RPRD2: variants seen among roughly 807,000 people sequenced by gnomAD.
RPRD2 encodes regulation of nuclear pre-mRNA domain-containing protein 2.
RPRD2 carries 12 observed loss-of-function variants against 104.4 expected under a neutral mutation model. That is an observed-to-expected ratio of 0.11 (90% confidence interval 0.07 to 0.19). RPRD2 has a LOEUF of 0.19. Among genes scored for constraint, RPRD2 ranks in the 10% least tolerant of loss-of-function variants. The pLI, the probability that RPRD2 is intolerant of heterozygous loss-of-function variation, is 1.00. For missense variants in RPRD2, 1,543 were observed against 1,790.1 expected (o/e 0.86, Z 2.49); for synonymous variants, 714 against 684.9 (o/e 1.04, Z -0.66).
chr1:150,366,675 G>A, intron 1 of RPRD2, among the ~76,000 whole-genome samples: 1 of 152,180 alleles, frequency 6.6e-6, no homozygotes, highest in East Asian at 1.9e-4. Context: ...CAGTAAAATG[G>A]TGGGGTTAGG....
intron 1 of RPRD2, among the ~76,000 whole-genome samples, chr1:150,384,665 GTGTGTGTGTGTGTGTGTT>G (rs1214345126): frequency 2.1e-4 from 30 of 145,430 alleles, no homozygotes; most frequent in Non-Finnish European, 3.9e-4. Context: ...GTGTGTGTGT[GTGTGTGTGTGTGTGTGTT>G]TTTAGTAGAG....
chr1:150,410,806 G>A (rs587701432), intron 1 of RPRD2, among the ~76,000 whole-genome samples: 2 of 152,280 alleles, frequency 1.3e-5, no homozygotes, highest in East Asian at 1.9e-4. Context: ...CAAAGAAATC[G>A]ATTTTCTCAC....
intron 7 of RPRD2, among the ~76,000 whole-genome samples, chr1:150,447,183 C>G (rs1381522189): frequency 6.6e-6 from 1 of 151,912 alleles, no homozygotes; most frequent in African/African-American, 2.4e-5. Context: ...ATTGGTCAGG[C>G]TGGTCTTGAA....
At chr1:150,437,502 A>G (rs1273348567) in intron 2 of RPRD2, among the ~76,000 whole-genome samples, 1 of 152,028 alleles carries the variant, frequency 6.6e-6, no homozygotes, top group African/African-American at 2.4e-5. Context: ...TAACTAACAT[A>G]TGGATATTGT....
At chr1:150,449,961 TTTCTC>T (rs1667043481) in intron 7 of RPRD2, among the ~76,000 whole-genome samples, 1 of 152,196 alleles carries the variant, frequency 6.6e-6, no homozygotes, top group African/African-American at 2.4e-5. Flanking sequence ...CCATCTTTTA[TTTCTC>T]TTCTCTGCTT....
At chr1:150,429,606 C>T (rs1459197930) in intron 2 of RPRD2, among the ~76,000 whole-genome samples, 2 of 151,194 alleles carry the variant, frequency 1.3e-5, no homozygotes, top group African/African-American at 2.4e-5. Flanking sequence ...CCTCCCACCT[C>T]GACCTACCAA....
chr1:150,446,083 G>T (rs59681095), intron 6 of RPRD2, 143 bp from the exon 7 acceptor site: 3 of 421,294 alleles, frequency 7.1e-6, no homozygotes, highest in Non-Finnish European at 8.1e-6. Context: ...AAAAAAAAAA[G>T]AAAGAAACTA....
chr1:150,388,908 A>G (rs886311822), intron 1 of RPRD2, among the ~76,000 whole-genome samples: 2 of 151,874 alleles, frequency 1.3e-5, no homozygotes, highest in Non-Finnish European at 2.9e-5. Flanking sequence ...TTGGCCTAAT[A>G]TGTAATTATT....
chr1:150,379,472 G>A (rs1315813491), intron 1 of RPRD2, among the ~76,000 whole-genome samples: 1 of 151,292 alleles, frequency 6.6e-6, no homozygotes, highest in Admixed American at 6.6e-5. Context: ...GCGCCATCTC[G>A]GCTCACTGCA....
intron 2 of RPRD2, among the ~76,000 whole-genome samples, chr1:150,439,311 A>G (rs12731296): frequency 0.6 from 91,227 of 151,948 alleles, 27,919 homozygotes; most frequent in African/African-American, 0.65. Context: ...GGCATACCTT[A>G]GAGATATTGA....
chr1:150,425,738 A>G (rs1258339943), intron 2 of RPRD2, among the ~76,000 whole-genome samples: 1 of 152,354 alleles, frequency 6.6e-6, no homozygotes, highest in African/African-American at 2.4e-5. Context: ...AAAGATTATT[A>G]TCCTCATTTT....
Position 150,469,162 on chromosome 1 carries a change from A to G in RPRD2, c.1613-1399A>G, listed in dbSNP as rs1382673675. On this transcript the variant is annotated intron_variant, in intron 10 of 10. Coordinates refer to ENST00000369068, the MANE Select transcript of RPRD2 (RefSeq NM_015203.5). Reference sequence around the variant, plus strand: ...AAATTGAAATTTTGAAGAAATGTTAATTGAAATATCACATGAAGTATTTTC... The same window carrying G: ...AAATTGAAATTTTGAAGAAATGTTAGTTGAAATATCACATGAAGTATTTTC... 2.6e-5 allele frequency among the ~76,000 whole-genome samples: 4 copies of G among 152,234 alleles called. No individual in the cohort carries two copies. In the East Asian group the frequency reaches 7.7e-4, roughly 29 times the overall value.
intron 1 of RPRD2, among the ~76,000 whole-genome samples, chr1:150,405,590 A>G (rs1328615377): frequency 1.3e-5 from 2 of 152,184 alleles, no homozygotes; most frequent in Admixed American, 1.3e-4. Flanking sequence ...CTCTCTCATC[A>G]TCTTTATGAA....
intron 1 of RPRD2, among the ~76,000 whole-genome samples, chr1:150,390,896 G>A (rs782070277): frequency 2.6e-5 from 4 of 151,846 alleles, no homozygotes; most frequent in Admixed American, 2.6e-4. Flanking sequence ...ATATATATAG[G>A]GACCATATGC....
At chr1:150,453,601 C>T (rs1553897068) in intron 7 of RPRD2, among the ~76,000 whole-genome samples, 1 of 152,104 alleles carries the variant, frequency 6.6e-6, no homozygotes, top group African/African-American at 2.4e-5. Flanking sequence ...TTAATCATAG[C>T]TGTTTGGTTT....
At chr1:150,389,030 T>C (rs1572376981) in intron 1 of RPRD2, among the ~76,000 whole-genome samples, 3 of 151,996 alleles carry the variant, frequency 2.0e-5, no homozygotes. Context: ...GACAGTTTTG[T>C]TTTGTTTTGT....
chr1:150,466,564 T>C (rs1668296675), intron 10 of RPRD2, among the ~76,000 whole-genome samples: 1 of 148,518 alleles, frequency 6.7e-6, no homozygotes, highest in African/African-American at 2.5e-5. Flanking sequence ...AAAAAAAAAT[T>C]TCTGAGACAT....
At chr1:150,419,690 C>T (rs1019449857) in intron 2 of RPRD2, among the ~76,000 whole-genome samples, 9 of 152,256 alleles carry the variant, frequency 5.9e-5, no homozygotes, top group South Asian at 4.1e-4. Flanking sequence ...GGCACAATCT[C>T]GGCTTACCGC....
intron 2 of RPRD2, among the ~76,000 whole-genome samples, chr1:150,424,180 A>G (rs1292220189): frequency 6.6e-6 from 1 of 152,132 alleles, no homozygotes; most frequent in Non-Finnish European, 1.5e-5. Flanking sequence ...GTGAAGTCCT[A>G]CTCCTACAGT....
Sources: allele counts gnomAD v4.1 joint callset (sites outside exome capture counted in the v4.1 genomes callset), GRCh38; gene constraint gnomAD v4.1.1; transcripts MANE v1.5; gene names NCBI Gene and HGNC (gene_info 2026-07-23, HGNC 2026-07-21).